Variants in CECR2 observed in about 807,000 individuals in gnomAD.
The protein encoded by CECR2 is CECR2 histone acetyl-lysine reader, also known as chromatin remodeling regulator CECR2.
A neutral mutation model predicts 154.5 loss-of-function variants in CECR2; 30 were observed. The ratio of observed to expected loss-of-function variants is 0.19; its 90% CI spans 0.15 to 0.26. The LOEUF is 0.26. Among genes scored for constraint, CECR2 ranks in the 10% least tolerant of loss-of-function variants. The pLI is 1.00. For synonymous variants in CECR2, 725 were observed against 683.7 expected, an observed-to-expected ratio of 1.06 and a Z score of -0.94; for missense variants, 1,743 against 1,829.3, an observed-to-expected ratio of 0.95 and a Z score of 0.86.
intron 7 of CECR2, 58 bp from the exon 8 acceptor site, chr22:17,511,755 A>G (rs2055958887): frequency 1.4e-6 from 2 of 1,422,726 alleles, no homozygotes; most frequent in Non-Finnish European, 9.8e-7. Flanking sequence ...CAGCAGCATC[A>G]GTAGTTGAGA....
chr22:17,479,250 G>C (rs934410745), intron 2 of CECR2, among the ~76,000 whole-genome samples: 3 of 152,154 alleles, frequency 2.0e-5, no homozygotes, highest in East Asian at 3.9e-4. Context: ...CCGTCACAGA[G>C]GTGGTTGTAT....
chr22:17,503,441 T>C (rs1032586076), intron 6 of CECR2, among the ~76,000 whole-genome samples: 7 of 152,224 alleles, frequency 4.6e-5, no homozygotes, highest in Admixed American at 3.3e-4. Context: ...TGTCAGTGCT[T>C]CATGACACAA....
chr22:17,429,120 AGAGTCT>A (rs1179809195), intron 1 of CECR2, among the ~76,000 whole-genome samples: 1 of 151,982 alleles, frequency 6.6e-6, no homozygotes, highest in Non-Finnish European at 1.5e-5. Context: ...GGGATAGGGG[AGAGTCT>A]GGAATCATGG....
chr22:17,427,956 T>A (rs2518744), intron 1 of CECR2, among the ~76,000 whole-genome samples: 36 of 152,070 alleles, frequency 2.4e-4, no homozygotes, highest in Non-Finnish European at 4.1e-4. Flanking sequence ...GTGTAAAAGC[T>A]TTCCTATTTC....
At chr22:17,395,694 C>G (rs1357201574) in intron 1 of CECR2, among the ~76,000 whole-genome samples, 1 of 152,042 alleles carries the variant, frequency 6.6e-6, no homozygotes, top group East Asian at 1.9e-4. Flanking sequence ...GGAATATTAT[C>G]CTGTACGACC....
rs1038656795 is a variant in CECR2 at position 17,544,788 on chromosome 22, C to G, written c.2860+1785C>G. On this transcript the variant is annotated intron_variant, in intron 16 of 18. Coordinates refer to ENST00000262608, the MANE Select transcript of CECR2 (RefSeq NM_001290047.2). ...TTACACCACTGCACTCCAGCCTGGG[C>G]CACAAAGTGAGACTCTGTCTCAAAA... Among the ~76,000 whole-genome samples, 45 of 120,340 alleles carry G rather than the reference C, an allele frequency of 3.7e-4. 1 individual carries two copies. Among genetic ancestry groups the G allele is most frequent in the Non-Finnish European group, 7.2e-4 (45 of 62,202 alleles). The allele number at this position is 120,340 out of a possible 152,430, so 78.9% of individuals were successfully genotyped here.
chr22:17,551,497 C>T (rs1208823332), intron 17 of CECR2, among the ~76,000 whole-genome samples: 2 of 152,140 alleles, frequency 1.3e-5, no homozygotes, highest in Non-Finnish European at 1.5e-5. Context: ...AGATTCATCA[C>T]ACAGTCTCCT....
intron 1 of CECR2, among the ~76,000 whole-genome samples, chr22:17,375,942 G>A (rs562983472): frequency 2.8e-5 from 4 of 143,762 alleles, no homozygotes; most frequent in East Asian, 2.0e-4. Flanking sequence ...GCAACAGAGC[G>A]AGAGGGAGAC....
intron 1 of CECR2, among the ~76,000 whole-genome samples, chr22:17,408,955 G>A (rs1390100478): frequency 6.6e-6 from 1 of 152,140 alleles, no homozygotes; most frequent in Non-Finnish European, 1.5e-5. Context: ...AGCTTTAGCT[G>A]TATCAGCTTT....
At chr22:17,366,125 T>C (rs1476186710), upstream of CECR2, among the ~76,000 whole-genome samples, 1 of 152,204 alleles carries the variant, frequency 6.6e-6, no homozygotes, top group Non-Finnish European at 1.5e-5. Flanking sequence ...CTGAAGTTAA[T>C]GGCACTGGCT....
intron 1 of CECR2, among the ~76,000 whole-genome samples, chr22:17,391,827 G>A (rs1258710660): frequency 2.0e-5 from 3 of 152,104 alleles, no homozygotes; most frequent in African/African-American, 7.2e-5. Context: ...TGTTTGAGAC[G>A]GAGTCTCACA....
chr22:17,531,659 T>C (rs2056357360), intron 9 of CECR2, among the ~76,000 whole-genome samples: 1 of 152,142 alleles, frequency 6.6e-6, no homozygotes, highest in Non-Finnish European at 1.5e-5. Flanking sequence ...TCAGAAACAA[T>C]GATTGAGTAG....
intron 1 of CECR2, among the ~76,000 whole-genome samples, chr22:17,451,582 C>T (rs894622897): frequency 1.3e-5 from 2 of 152,168 alleles, no homozygotes; most frequent in African/African-American, 4.8e-5. Flanking sequence ...ATTCCAACCT[C>T]ACAGGATTCT....
intron 1 of CECR2, among the ~76,000 whole-genome samples, chr22:17,404,368 CTTTTTT>C (rs1161498081): frequency 7.0e-5 from 2 of 28,718 alleles, no homozygotes; most frequent in African/African-American, 3.5e-4. Context: ...CCTGTTCTTT[CTTTTTT>C]TTTTTTTTTT....
intron 8 of CECR2, among the ~76,000 whole-genome samples, chr22:17,512,869 C>T (rs943066872): frequency 1.3e-5 from 2 of 152,038 alleles, no homozygotes; most frequent in African/African-American, 4.8e-5. Context: ...TCTTAGGTGT[C>T]AAGACCTCGC....
chr22:17,463,511 A>G (rs936653471), intron 1 of CECR2, among the ~76,000 whole-genome samples: 4 of 152,164 alleles, frequency 2.6e-5, no homozygotes, highest in African/African-American at 4.8e-5. Context: ...TATAGTCATC[A>G]GGATTTGTTA....
At chr22:17,429,714 T>G (rs963469433) in intron 1 of CECR2, among the ~76,000 whole-genome samples, 2 of 152,120 alleles carry the variant, frequency 1.3e-5, no homozygotes, top group Non-Finnish European at 2.9e-5. Context: ...CCATTTAGGT[T>G]GATGGTGGGA....
chr22:17,482,387 G>A (rs564641925), intron 2 of CECR2, among the ~76,000 whole-genome samples: 5 of 151,740 alleles, frequency 3.3e-5, no homozygotes, highest in Admixed American at 2.0e-4. Flanking sequence ...TCATGCCACC[G>A]TACTCCAGCC....
intron 1 of CECR2, among the ~76,000 whole-genome samples, chr22:17,472,780 A>C (rs2055148502): frequency 6.6e-6 from 1 of 152,234 alleles, no homozygotes; most frequent in Non-Finnish European, 1.5e-5. Context: ...ATGTTATTTA[A>C]GAAAAGTTGT....
Sources: gnomAD v4.1 joint callset for allele counts (sites outside exome capture counted in the v4.1 genomes callset) on GRCh38, gnomAD v4.1.1 for gene constraint, MANE v1.5 for transcripts, NCBI Gene and HGNC (gene_info 2026-07-23, HGNC 2026-07-21) for gene names.